Variants in CASQ2 observed in about 807,000 individuals in gnomAD.
The protein encoded by CASQ2 is calsequestrin 2.
In CASQ2, 49 loss-of-function variants were observed where a neutral mutation model predicts 46.5. That is an observed-to-expected ratio of 1.05 (90% confidence interval 0.84 to 1.34). The LOEUF (loss-of-function observed/expected upper bound fraction) is 1.34. Among genes scored for constraint, CASQ2 ranks in the 40% most tolerant of loss-of-function variants. CASQ2 has a pLI of 0.00. For missense variants in CASQ2, 486 were observed against 481.3 expected, an observed-to-expected ratio of 1.01 and a Z score of -0.09; for synonymous variants, 174 against 168.5, an observed-to-expected ratio of 1.03 and a Z score of -0.25.
At chr1:115,745,574 T>C (rs9287157) in intron 1 of CASQ2, among the ~76,000 whole-genome samples, 107,965 of 151,862 alleles carry the variant, frequency 0.71, 42,095 homozygotes, top group Non-Finnish European at 0.88. Flanking sequence ...GATGATGACA[T>C]CAAGCACAAG....
chr1:115,759,925 C>T (rs1401470842), intron 1 of CASQ2, among the ~76,000 whole-genome samples: 2 of 152,212 alleles, frequency 1.3e-5, no homozygotes, highest in Non-Finnish European at 2.9e-5. Context: ...TAGAAGGCCA[C>T]CTTCTGAGTT....
chr1:115,714,370 C>G (rs910475846), intron 8 of CASQ2, among the ~76,000 whole-genome samples: 1 of 152,206 alleles, frequency 6.6e-6, no homozygotes, highest in African/African-American at 2.4e-5. Flanking sequence ...ACCTCTAAAA[C>G]TCACGTTCCT....
At chr1:115,734,410 G>A (rs1003690072) in intron 4 of CASQ2, among the ~76,000 whole-genome samples, 1 of 152,172 alleles carries the variant, frequency 6.6e-6, no homozygotes, top group Non-Finnish European at 1.5e-5. Context: ...CCTGTGTCAG[G>A]AGCTTCCCTT....
intron 9 of CASQ2, among the ~76,000 whole-genome samples, chr1:115,704,568 A>G (rs747543671): frequency 1.3e-5 from 2 of 152,228 alleles, no homozygotes; most frequent in African/African-American, 4.8e-5. Flanking sequence ...CACCAGAACC[A>G]GTACCAGGGT....
chr1:115,707,102 G>A (rs540911022), intron 8 of CASQ2, among the ~76,000 whole-genome samples: 3 of 151,290 alleles, frequency 2.0e-5, no homozygotes, highest in East Asian at 3.9e-4. Flanking sequence ...CAGCAGCCTC[G>A]ACCTCCCAGG....
chr1:115,736,881 A>G (rs542039922), intron 4 of CASQ2, among the ~76,000 whole-genome samples: 1 of 152,304 alleles, frequency 6.6e-6, no homozygotes, highest in East Asian at 1.9e-4. Flanking sequence ...AGGCATCCAT[A>G]TAAGCTCCTA....
chr1:115,756,000 G>A (rs954152392), intron 1 of CASQ2, among the ~76,000 whole-genome samples: 1 of 152,216 alleles, frequency 6.6e-6, no homozygotes, highest in African/African-American at 2.4e-5. Flanking sequence ...TCTGGAGGAT[G>A]CTTCACTCCC....
intron 1 of CASQ2, among the ~76,000 whole-genome samples, chr1:115,751,015 G>C (rs1220473873): frequency 6.9e-6 from 1 of 145,904 alleles, no homozygotes; most frequent in East Asian, 2.0e-4. Flanking sequence ...TGGAATCAGA[G>C]ACCCGTATTA....
chr1:115,711,057 A>AGGAG (rs1487440129), intron 8 of CASQ2, among the ~76,000 whole-genome samples: 1 of 152,232 alleles, frequency 6.6e-6, no homozygotes, highest in East Asian at 1.9e-4. Context: ...GCAGTGGTCC[A>AGGAG]GGAGTGAACA....
At position 115,740,800 on chromosome 1, in the gene CASQ2, A is replaced by G. The variant is rs534875959; in HGVS notation, c.348T>C (p.Ile116=). The G allele has an allele frequency of 2.5e-6, 4 of 1,613,372 alleles. No individual in the cohort carries two copies. Among genetic ancestry groups the G allele is most frequent in the East Asian group, 2.2e-5 (1 of 44,856 alleles). The stretch of plus-strand genomic sequence containing the variant: ...ACTCTATTGTGCGATCACCCTTAAG[A>G]ATATACAGGCTTCCTTCTTCATCAA... ...LGFDEEGSLY[I]LKGDRTIEFD... is the part of the protein sequence containing the mutation. Residue 116 remains isoleucine (I), a synonymous_variant, in exon 3 of 11, where the codon ATT becomes ATC. Coordinates refer to ENST00000261448, the MANE Select transcript of CASQ2 (RefSeq NM_001232.4).
intron 1 of CASQ2, among the ~76,000 whole-genome samples, chr1:115,750,318 G>T (rs536438511): frequency 3.3e-5 from 5 of 152,192 alleles, no homozygotes; most frequent in Admixed American, 3.3e-4. Context: ...GGTTTTGTTT[G>T]TTTGGTCAGT....
chr1:115,704,833 G>A (rs187744611), intron 9 of CASQ2, among the ~76,000 whole-genome samples: 1 of 152,178 alleles, frequency 6.6e-6, no homozygotes. Context: ...AGTAATTCAG[G>A]TGGCCTCAGA....
intron 4 of CASQ2, among the ~76,000 whole-genome samples, chr1:115,736,455 G>A (rs1647965311): frequency 6.6e-6 from 1 of 151,908 alleles, no homozygotes; most frequent in African/African-American, 2.4e-5. Flanking sequence ...TGACCAACAT[G>A]GTGAAACCCC....
intron 7 of CASQ2, 42 bp from the exon 8 acceptor site, chr1:115,717,936 G>T (rs1270182025): frequency 1.5e-6 from 2 of 1,352,568 alleles, no homozygotes; most frequent in South Asian, 2.3e-5. Context: ...CCAGCTGGAG[G>T]GATGCAAAGG....
chr1:115,717,839 C>G lies in CASQ2; in HGVS notation c.838+1G>C, dbSNP rs183040595. 2 of 1,606,648 alleles carry G rather than the reference C, an allele frequency of 1.2e-6. No homozygotes were observed. The highest frequency in any genetic ancestry group is 1.7e-6 in the Non-Finnish European group (2 of 1,173,280). On this transcript the variant is annotated splice_donor_variant, in intron 8 of 10. Coordinates refer to ENST00000261448, the MANE Select transcript of CASQ2 (RefSeq NM_001232.4). LOFTEE classifies it high-confidence loss of function. ...AAAAGAGCAGGTTGAAGGTTTCCTA[C>G]CTGGATCACTCTTCTCTGCAAAGGC... is the stretch of plus-strand genomic sequence containing the variant.
chr1:115,702,009 G>T (rs959609862), intron 10 of CASQ2, among the ~76,000 whole-genome samples: 1 of 151,258 alleles, frequency 6.6e-6, no homozygotes, highest in Non-Finnish European at 1.5e-5. Context: ...TGCAACCTCC[G>T]CCTCCTGGGT....
intron 1 of CASQ2, among the ~76,000 whole-genome samples, chr1:115,746,936 C>G (rs1648412397): frequency 6.6e-6 from 1 of 151,960 alleles, no homozygotes; most frequent in Admixed American, 6.6e-5. Context: ...CATTCAATAT[C>G]CTAATCATTT....
chr1:115,716,893 T>C (rs1436799067), intron 8 of CASQ2, among the ~76,000 whole-genome samples: 11 of 152,168 alleles, frequency 7.2e-5, no homozygotes, highest in Admixed American at 6.5e-4. Flanking sequence ...TTTGGATCTG[T>C]GTCCCCTACC....
At chr1:115,740,703 A>T (rs111319024) in intron 3 of CASQ2, 25 bp downstream of exon 3, 1 of 1,411,216 alleles carries the variant, frequency 7.1e-7, no homozygotes, top group Non-Finnish European at 1.0e-6. Context: ...AGCTCCATGC[A>T]GGGTCACTGT....
Sources: allele counts gnomAD v4.1 joint callset (sites outside exome capture counted in the v4.1 genomes callset), GRCh38; gene constraint gnomAD v4.1.1; transcripts MANE v1.5; gene names NCBI Gene and HGNC (gene_info 2026-07-23, HGNC 2026-07-21).